ZFHX3: variants seen among roughly 807,000 people sequenced by gnomAD.
ZFHX3 encodes the protein zinc finger homeobox protein 3.
A neutral mutation model predicts 279.1 loss-of-function variants in ZFHX3; 42 were observed. The ratio of observed to expected loss-of-function variants is 0.15; its 90% CI spans 0.12 to 0.19. The LOEUF (loss-of-function observed/expected upper bound fraction) is 0.19. Among genes scored for constraint, ZFHX3 ranks in the 10% least tolerant of loss-of-function variants. The pLI, the probability that ZFHX3 is intolerant of heterozygous loss-of-function variation, is 1.00. For missense variants in ZFHX3, 4,981 were observed against 4,754.0 expected (o/e 1.05, Z -1.40); for synonymous variants, 2,293 against 1,957.8 (o/e 1.17, Z -4.52).
intron 2 of ZFHX3, among the ~76,000 whole-genome samples, chr16:73,598,335 T>A (rs1438114543): frequency 6.6e-6 from 1 of 152,166 alleles, no homozygotes; most frequent in Non-Finnish European, 1.5e-5. Context: ...CTCTACTCCA[T>A]AAATCTCAGT....
chr16:72,838,998 T>A (rs183268713), intron 4 of ZFHX3, among the ~76,000 whole-genome samples: 1 of 152,184 alleles, frequency 6.6e-6, no homozygotes, highest in Non-Finnish European at 1.5e-5. Context: ...GTAAGAAAGC[T>A]AGCTATGTCC....
At chr16:73,136,845 T>C (rs1356066040) in intron 6 of ZFHX3, among the ~76,000 whole-genome samples, 1 of 150,518 alleles carries the variant, frequency 6.6e-6, no homozygotes, top group Admixed American at 6.7e-5. Flanking sequence ...ATTCTGACAA[T>C]GTTTATCTAA....
In ZFHX3 at chr16:72,787,916, C is replaced by T. The variant is rs770453754; in HGVS notation, c.10360G>A (p.Asp3454Asn). 6.2e-7 allele frequency: 1 copy of T among 1,614,012 alleles called. No individual in the cohort carries two copies. Among genetic ancestry groups the T allele is most frequent in the Non-Finnish European group, 8.5e-7 (1 of 1,180,002 alleles). Residue 3454 changes from aspartate to asparagine, a missense_variant, in exon 10 of 10, where the codon GAC (aspartate) becomes AAC (asparagine). Asp to Asn is a conservative substitution (Grantham distance 23). This residue lies in a region of ZFHX3 where 1,034 missense variants were observed against 786.0 expected (regional missense o/e 1.32). Coordinates refer to ENST00000268489, the MANE Select transcript of ZFHX3 (RefSeq NM_006885.4). ...TGCACCTTTGGAACAATGAAGGGGT[C>T]GTAGAGGGAGTCCGCACTTTTGCTT... is the stretch of plus-strand genomic sequence containing the variant. ...AESKSADSLY[D>N]PFIVPKVQYK...
chr16:73,190,936 G>A (rs745725967), intron 5 of ZFHX3, among the ~76,000 whole-genome samples: 18 of 151,596 alleles, frequency 1.2e-4, no homozygotes, highest in East Asian at 1.9e-4. Context: ...GTAAATTGCC[G>A]GAATTTGAAA....
intron 1 of ZFHX3, among the ~76,000 whole-genome samples, chr16:73,006,840 T>C (rs1055570472): frequency 1.3e-5 from 2 of 152,174 alleles, no homozygotes; most frequent in South Asian, 4.1e-4. Context: ...ACCTCCTGTA[T>C]ACTTTAAATC....
At chr16:73,270,888 T>G (rs1053940236) in intron 4 of ZFHX3, among the ~76,000 whole-genome samples, 2 of 152,204 alleles carry the variant, frequency 1.3e-5, no homozygotes, top group Non-Finnish European at 2.9e-5. Context: ...CAGGTTGCAA[T>G]TAGAACACTC....
intron 5 of ZFHX3, among the ~76,000 whole-genome samples, chr16:73,251,111 T>C (rs2013473890): frequency 6.6e-6 from 1 of 152,138 alleles, no homozygotes; most frequent in African/African-American, 2.4e-5. Context: ...TACGGGCAGT[T>C]AAAACTCAAA....
At chr16:73,013,173 G>T (rs1963973700) in intron 1 of ZFHX3, among the ~76,000 whole-genome samples, 1 of 152,216 alleles carries the variant, frequency 6.6e-6, no homozygotes, top group Non-Finnish European at 1.5e-5. Context: ...CTGCCCATCT[G>T]TGCCCTTCAA....
intron 2 of ZFHX3, among the ~76,000 whole-genome samples, chr16:73,481,644 TTGTTTTTG>T (rs757985139): frequency 0.017 from 2,425 of 141,322 alleles, 61 homozygotes; most frequent in African/African-American, 0.066. Flanking sequence ...GTTTGTTTGT[TTGTTTTTG>T]TTTGTTTGTT....
chr16:72,904,978 C>T (rs1040349169), intron 3 of ZFHX3, among the ~76,000 whole-genome samples: 1 of 152,152 alleles, frequency 6.6e-6, no homozygotes, highest in Non-Finnish European at 1.5e-5. Context: ...ATTACAGGTG[C>T]CCGCCACCAT....
intron 5 of ZFHX3, among the ~76,000 whole-genome samples, chr16:73,210,182 C>T (rs1015001402): frequency 1.3e-5 from 2 of 152,088 alleles, no homozygotes; most frequent in Non-Finnish European, 2.9e-5. Flanking sequence ...ATAAAAATTT[C>T]TCAGCAAAAT....
At chr16:73,122,617 A>G (rs996319664) in intron 7 of ZFHX3, among the ~76,000 whole-genome samples, 2 of 152,172 alleles carry the variant, frequency 1.3e-5, no homozygotes, top group Non-Finnish European at 2.9e-5. Flanking sequence ...TTGGGGGGCC[A>G]TCAGGGGATT....
chr16:72,922,607 A>C (rs1439893646), intron 3 of ZFHX3, among the ~76,000 whole-genome samples: 1 of 152,136 alleles, frequency 6.6e-6, no homozygotes, highest in African/African-American at 2.4e-5. Context: ...CACGAACCTG[A>C]GTGTGGCCAA....
intron 2 of ZFHX3, among the ~76,000 whole-genome samples, chr16:73,586,825 T>C (rs1252707853): frequency 6.6e-6 from 1 of 152,194 alleles, no homozygotes; most frequent in African/African-American, 2.4e-5. Flanking sequence ...TTAGATGACT[T>C]AAAAATTGTC....
intron 5 of ZFHX3, among the ~76,000 whole-genome samples, chr16:73,219,273 C>T (rs1190516771): frequency 2.0e-5 from 3 of 151,906 alleles, no homozygotes; most frequent in Non-Finnish European, 4.4e-5. Flanking sequence ...GCATACAGAC[C>T]TATGCTGTTG....
At chr16:73,667,204 C>T (rs2052851867) in intron 2 of ZFHX3, among the ~76,000 whole-genome samples, 1 of 152,034 alleles carries the variant, frequency 6.6e-6, no homozygotes, top group Non-Finnish European at 1.5e-5. Context: ...GTTGCCCAGA[C>T]TGGTCTCGAA....
At chr16:73,769,827 A>T (rs953161845) in intron 1 of ZFHX3, among the ~76,000 whole-genome samples, 3 of 152,226 alleles carry the variant, frequency 2.0e-5, no homozygotes, top group Non-Finnish European at 4.4e-5. Flanking sequence ...ATCCCTTTGA[A>T]TTGCCCATTA....
At chr16:73,296,654 G>A (rs900770932) in intron 4 of ZFHX3, among the ~76,000 whole-genome samples, 2 of 152,032 alleles carry the variant, frequency 1.3e-5, no homozygotes, top group African/African-American at 2.4e-5. Flanking sequence ...TCACCCCCTT[G>A]ATCTGTTACC....
At chr16:73,583,221 A>G (rs2051880016) in intron 2 of ZFHX3, among the ~76,000 whole-genome samples, 3 of 152,204 alleles carry the variant, frequency 2.0e-5, no homozygotes, top group African/African-American at 7.2e-5. Flanking sequence ...TCCCCAAGAA[A>G]TGAGCCTATA....
Sources: gnomAD v4.1 joint callset for allele counts (sites outside exome capture counted in the v4.1 genomes callset) on GRCh38, gnomAD v4.1.1 for gene constraint, gnomAD v4.1.1 regional missense constraint, MANE v1.5 for transcripts, NCBI Gene and HGNC (gene_info 2026-07-23, HGNC 2026-07-21) for gene names.